Variants in STX8 observed in about 807,000 individuals in gnomAD.
STX8 encodes syntaxin 8.
A neutral mutation model predicts 37.5 loss-of-function variants in STX8; 23 were observed. The observed-to-expected ratio is 0.61, with a 90% CI of 0.44 to 0.87. The LOEUF (loss-of-function observed/expected upper bound fraction) is 0.87. Ranked by LOEUF, STX8 falls within the 40% of genes least tolerant of loss-of-function variation. The pLI, the probability that STX8 is intolerant of heterozygous loss-of-function variation, is 0.00. For missense variants in STX8, 313 were observed against 284.7 expected, an observed-to-expected ratio of 1.10 and a Z score of -0.71; for synonymous variants, 115 against 99.1, an observed-to-expected ratio of 1.16 and a Z score of -0.95.
At chr17:9,425,223 C>A (rs1265294617) in intron 6 of STX8, among the ~76,000 whole-genome samples, 3 of 152,184 alleles carry the variant, frequency 2.0e-5, no homozygotes, top group Non-Finnish European at 2.9e-5. Context: ...TCACCCAACA[C>A]TGTACAGAGA....
chr17:9,519,609 C>T (rs1221698780), intron 4 of STX8, among the ~76,000 whole-genome samples: 1 of 152,006 alleles, frequency 6.6e-6, no homozygotes, highest in Non-Finnish European at 1.5e-5. Context: ...GAGATCTCAC[C>T]CTATCACTTC....
chr17:9,440,423 T>G (rs565995667), intron 6 of STX8, among the ~76,000 whole-genome samples: 17 of 152,304 alleles, frequency 1.1e-4, no homozygotes, highest in Admixed American at 1.0e-3. Flanking sequence ...TGTCACCATC[T>G]TAGTTAACAC....
intron 7 of STX8, among the ~76,000 whole-genome samples, chr17:9,344,093 G>A (rs975218299): frequency 4.6e-5 from 7 of 152,136 alleles, no homozygotes; most frequent in Admixed American, 4.6e-4. Context: ...AACAGCCCAG[G>A]ACTTTTGCTG....
intron 7 of STX8, among the ~76,000 whole-genome samples, chr17:9,340,603 A>AT (rs1306224357): frequency 8.6e-6 from 1 of 116,598 alleles, no homozygotes; most frequent in Non-Finnish European, 1.8e-5. Context: ...CAGGCTTTGT[A>AT]TTTTTCCAGT....
intron 6 of STX8, among the ~76,000 whole-genome samples, chr17:9,457,320 T>G (rs1020891211): frequency 6.6e-6 from 1 of 152,238 alleles, no homozygotes; most frequent in Non-Finnish European, 1.5e-5. Context: ...ATCCATTTCC[T>G]TGCCTTTCCA....
At chr17:9,280,160 C>T (rs988041417) in intron 7 of STX8, among the ~76,000 whole-genome samples, 1 of 152,106 alleles carries the variant, frequency 6.6e-6, no homozygotes, top group Non-Finnish European at 1.5e-5. Context: ...GTCAAGGCAG[C>T]AGTGAGCTGA....
chr17:9,365,905 G>A (rs1911215173), intron 7 of STX8, among the ~76,000 whole-genome samples: 1 of 152,136 alleles, frequency 6.6e-6, no homozygotes, highest in Non-Finnish European at 1.5e-5. Context: ...CCCAGGAGAT[G>A]GAGGTTGCAG....
chr17:9,273,378 G>A (rs566770069), intron 7 of STX8: 2 of 152,374 alleles, frequency 1.3e-5, no homozygotes, highest in East Asian at 3.9e-4. Context: ...CTGAGCGCCA[G>A]TCTTTGCTAA....
chr17:9,431,427 T>TTTGTTG lies in STX8; in HGVS notation c.542-52780_542-52775dup, dbSNP rs147664582. On this transcript the variant is annotated intron_variant, in intron 6 of 7. Coordinates refer to ENST00000306357, the MANE Select transcript of STX8 (RefSeq NM_004853.3). ...GAGCATCTCATTGGGTAGCAGGGTT[T>TTTGTTG]TTGTTGTTGTTGTTGTTGTTGTTTT... Among the ~76,000 whole-genome samples the TTTGTTG allele has an allele frequency of 5.4e-5, 8 of 148,716 alleles. 1 individual carries two copies. Among genetic ancestry groups the TTTGTTG allele is most frequent in the African/African-American group, 1.7e-4 (7 of 40,120 alleles).
At chr17:9,500,982 G>A (rs1442265918) in intron 5 of STX8, among the ~76,000 whole-genome samples, 1 of 152,112 alleles carries the variant, frequency 6.6e-6, no homozygotes, top group East Asian at 1.9e-4. Flanking sequence ...TCCAGCCTGG[G>A]TCACAGAGTG....
At chr17:9,556,413 A>G (rs1906964452) in intron 3 of STX8, among the ~76,000 whole-genome samples, 1 of 151,996 alleles carries the variant, frequency 6.6e-6, no homozygotes, top group African/African-American at 2.4e-5. Flanking sequence ...AGTCACGTAT[A>G]TTTTCCTAAA....
At chr17:9,279,458 A>G (rs1241675299) in intron 7 of STX8, among the ~76,000 whole-genome samples, 1 of 152,180 alleles carries the variant, frequency 6.6e-6, no homozygotes, top group Non-Finnish European at 1.5e-5. Flanking sequence ...AGAGCTTTTC[A>G]GTGTTGGGCC....
intron 7 of STX8, among the ~76,000 whole-genome samples, chr17:9,318,016 C>A (rs907207741): frequency 6.6e-6 from 1 of 152,210 alleles, no homozygotes; most frequent in African/African-American, 2.4e-5. Context: ...CCAATTCTTA[C>A]ATATGAACTC....
chr17:9,430,445 A>G (rs145979978), intron 6 of STX8, among the ~76,000 whole-genome samples: 1 of 151,364 alleles, frequency 6.6e-6, no homozygotes, highest in Non-Finnish European at 1.5e-5. Flanking sequence ...TGCCTATCCT[A>G]GATATTCCAT....
chr17:9,368,021 C>T (rs1221425530), intron 7 of STX8, among the ~76,000 whole-genome samples: 1 of 152,122 alleles, frequency 6.6e-6, no homozygotes, highest in Non-Finnish European at 1.5e-5. Flanking sequence ...TGTGAGCCAC[C>T]ATGCCCAGCC....
chr17:9,427,718 G>C (rs1008821275), intron 6 of STX8, among the ~76,000 whole-genome samples: 6 of 152,152 alleles, frequency 3.9e-5, no homozygotes, highest in African/African-American at 1.4e-4. Context: ...CAGGAGCTAT[G>C]TTAAGGTGGA....
chr17:9,431,326 C>T (rs1389817344), intron 6 of STX8, among the ~76,000 whole-genome samples: 1 of 151,342 alleles, frequency 6.6e-6, no homozygotes, highest in African/African-American at 2.4e-5. Context: ...GCCTCGGCCT[C>T]CCAAAGTGCT....
chr17:9,319,959 T>A (rs147878069), intron 7 of STX8, among the ~76,000 whole-genome samples: 6,632 of 150,466 alleles, frequency 0.044, 456 homozygotes, highest in African/African-American at 0.15. Context: ...CAAAAATAAA[T>A]AAATAAATAA....
At chr17:9,512,160 T>C (rs530970386) in intron 4 of STX8, among the ~76,000 whole-genome samples, 51 of 152,266 alleles carry the variant, frequency 3.3e-4, no homozygotes, top group Admixed American at 5.9e-4. Flanking sequence ...AAAATGACTA[T>C]ACTACCCAAA....
Sources: allele counts gnomAD v4.1 joint callset (sites outside exome capture counted in the v4.1 genomes callset), GRCh38; gene constraint gnomAD v4.1.1; transcripts MANE v1.5; gene names NCBI Gene and HGNC (gene_info 2026-07-23, HGNC 2026-07-21).